DCBLD1: variants seen among roughly 807,000 people sequenced by gnomAD.
The protein encoded by DCBLD1 is discoidin, CUB and LCCL domain containing 1.
DCBLD1 carries 57 observed loss-of-function variants against 71.5 expected under a neutral mutation model. The ratio of observed to expected loss-of-function variants is 0.80; its 90% CI spans 0.64 to 0.99. The LOEUF (loss-of-function observed/expected upper bound fraction) is 0.99, where lower values mean the gene tolerates loss of function less well. DCBLD1 is among the 50% of genes least tolerant of loss of function. DCBLD1 has a pLI of 0.00. For synonymous variants in DCBLD1, 380 were observed against 363.8 expected (o/e 1.04, Z -0.51); for missense variants, 891 against 923.5 (o/e 0.96, Z 0.46).
At chr6:117,533,926 A>G (rs565937535) in intron 6 of DCBLD1, among the ~76,000 whole-genome samples, 2 of 152,352 alleles carry the variant, frequency 1.3e-5, no homozygotes, top group African/African-American at 4.8e-5. Context: ...ATGTTCCAAC[A>G]TAACTCTTTC....
At chr6:117,513,921 A>G (rs190416943) in intron 2 of DCBLD1, among the ~76,000 whole-genome samples, 1 of 152,236 alleles carries the variant, frequency 6.6e-6, no homozygotes, top group African/African-American at 2.4e-5. Context: ...GAGAGTACCA[A>G]CAGTGAAGTA....
chr6:117,522,375 G>A lies in DCBLD1; in HGVS notation c.512+799G>A, dbSNP rs562423339. Among the ~76,000 whole-genome samples the A allele has an allele frequency of 1.1e-4, 17 of 152,002 alleles. No homozygotes were observed. The South Asian group carries it at 3.1e-3, about 28-fold the overall frequency. ...CAAATGTCTCATGGTGGGCAGAATC[G>A]CCCCCAGTGGAGAGCCACTAGTCTA... On this transcript the variant is annotated intron_variant, in intron 4 of 14. Coordinates refer to ENST00000338728, the MANE Select transcript of DCBLD1 (RefSeq NM_001366458.2).
chr6:117,536,445 A>C (rs960988156), intron 6 of DCBLD1, among the ~76,000 whole-genome samples: 1 of 152,238 alleles, frequency 6.6e-6, no homozygotes, highest in Non-Finnish European at 1.5e-5. Context: ...CTGTGGCCTT[A>C]GGAATGTCTT....
downstream of DCBLD1, among the ~76,000 whole-genome samples, chr6:117,552,348 C>T (rs773912758): frequency 2.0e-5 from 3 of 152,140 alleles, no homozygotes; most frequent in Non-Finnish European, 4.4e-5. Flanking sequence ...AATATTAGCT[C>T]ATTTTCTCTC....
intron 14 of DCBLD1, among the ~76,000 whole-genome samples, chr6:117,557,694 A>G (rs1170074528): frequency 6.6e-6 from 1 of 152,126 alleles, no homozygotes; most frequent in Non-Finnish European, 1.5e-5. Context: ...AACCCAGGAG[A>G]TGGAAGTTGC....
At chr6:117,528,633 A>G (rs1554266178) in intron 5 of DCBLD1, among the ~76,000 whole-genome samples, 5 of 152,198 alleles carry the variant, frequency 3.3e-5, no homozygotes, top group Non-Finnish European at 7.3e-5. Flanking sequence ...AGAAATGTTT[A>G]TTGTAGATAA....
intron 12 of DCBLD1, among the ~76,000 whole-genome samples, chr6:117,544,011 A>G (rs1779183534): frequency 6.6e-6 from 1 of 152,252 alleles, no homozygotes; most frequent in African/African-American, 2.4e-5. Context: ...ATTTTAAGCA[A>G]CTTCAGAATC....
At chr6:117,563,291 T>C in intron 14 of DCBLD1, 2 of 1,613,256 alleles carry the variant, frequency 1.2e-6, no homozygotes, top group Non-Finnish European at 1.7e-6. Context: ...GTGCAGATCA[T>C]CTAATTTTGA....
chr6:117,520,079 C>T, intron 3 of DCBLD1, 129 bp downstream of exon 3: 2 of 1,415,130 alleles, frequency 1.4e-6, no homozygotes, highest in East Asian at 4.8e-5. Flanking sequence ...AGAAGAGGAA[C>T]ATGGTATCTT....
intron 5 of DCBLD1, among the ~76,000 whole-genome samples, chr6:117,530,031 G>A (rs1778663451): frequency 6.6e-6 from 1 of 152,196 alleles, no homozygotes; most frequent in Non-Finnish European, 1.5e-5. Context: ...TCCAGTGAGA[G>A]CTCTCAATAG....
intron 2 of DCBLD1, among the ~76,000 whole-genome samples, chr6:117,509,192 G>A (rs964109102): frequency 2.0e-5 from 3 of 152,278 alleles, no homozygotes; most frequent in Middle Eastern, 3.4e-3. Context: ...AGCAGTTTGC[G>A]AGGCTGAGGT....
intron 14 of DCBLD1, chr6:117,560,888 T>C (rs1177975529): frequency 4.7e-6 from 1 of 213,934 alleles, no homozygotes; most frequent in African/African-American, 2.3e-5. Context: ...TTGTTTGGTT[T>C]TGTCCTAGAA....
Position 117,514,110 on chromosome 6 carries a change from C to A in DCBLD1, c.326-5706C>A, listed in dbSNP as rs144514568. 1.1e-4 allele frequency among the ~76,000 whole-genome samples: 17 copies of A among 152,188 alleles called. No individual in the cohort carries two copies. The East Asian group carries it at 2.7e-3, about 24-fold the overall frequency. On this transcript the variant is annotated intron_variant, in intron 2 of 14. Transcript: ENST00000338728. ...CTATCATATTTTTCCATTTTTCTTT[C>A]TTGCCTTTTAACTCTAGGAATGTAA...
chr6:117,496,152 T>C (rs1008959449), intron 1 of DCBLD1, among the ~76,000 whole-genome samples: 2 of 152,236 alleles, frequency 1.3e-5, no homozygotes, highest in Non-Finnish European at 2.9e-5. Context: ...CATTAGCATC[T>C]ATTTTATATG....
intron 14 of DCBLD1, chr6:117,560,436 C>T (rs1562133547): frequency 5.3e-6 from 1 of 190,122 alleles, no homozygotes; most frequent in Non-Finnish European, 1.1e-5. Context: ...AAGTGTAAGA[C>T]TGGATAGATG....
At position 117,543,261 on chromosome 6, in the gene DCBLD1, A is replaced by G. The variant is rs1368497540; in HGVS notation, c.1445+50A>G. The G allele has an allele frequency of 3.9e-6, 6 of 1,530,400 alleles. No homozygotes were observed. In the Admixed American group the frequency reaches 5.0e-5, roughly 13 times the overall value. 94.8% of individuals were successfully genotyped at this position (1,530,400 alleles called of 1,614,324 possible). ...TTTCTTCTCTAATTATGCGAACAATAAAAAACCAAAAAGTTTATTCTTCAG... is the reference window on the plus strand; with the variant it reads ...TTTCTTCTCTAATTATGCGAACAATGAAAAACCAAAAAGTTTATTCTTCAG... On this transcript the variant is annotated intron_variant, in intron 12 of 14. Transcript: ENST00000338728.
At position 117,532,131 on chromosome 6, in the gene DCBLD1, C is replaced by T. The variant is rs1183900514; in HGVS notation, c.586-129C>T. 5 of 1,326,852 alleles carry T rather than the reference C, an allele frequency of 3.8e-6. No homozygotes were observed. In the African/African-American group the frequency reaches 5.9e-5, roughly 16 times the overall value. The allele number at this position is 1,326,852 out of a possible 1,614,324, so 82.2% of individuals were successfully genotyped here. A position where few individuals can be genotyped will look rare whatever the true frequency, so the allele number is the denominator to read the frequency against. The stretch of plus-strand genomic sequence containing the variant: ...AGTGAGGGAGGTGACAACTCCAGGG[C>T]ATGGCCATTGGAAGGCTTTATTCAT... On this transcript the variant is annotated intron_variant, in intron 5 of 14. Transcript: ENST00000338728.
intron 6 of DCBLD1, among the ~76,000 whole-genome samples, chr6:117,535,588 G>T (rs1193197855): frequency 1.3e-5 from 2 of 152,200 alleles, no homozygotes; most frequent in African/African-American, 4.8e-5. Context: ...GCAGAGAGCT[G>T]TTAGAAGTAG....
chr6:117,538,551 G>A lies in DCBLD1; in HGVS notation c.761-69G>A, dbSNP rs1214543462. 2.1e-6 allele frequency: 3 copies of A among 1,417,246 alleles called. No individual in the cohort carries two copies. In the Admixed American group the frequency reaches 5.4e-5, roughly 25 times the overall value. The allele number at this position is 1,417,246 out of a possible 1,614,324, so 87.8% of individuals were successfully genotyped here. A position where few individuals can be genotyped will look rare whatever the true frequency, so the allele number is the denominator to read the frequency against. On this transcript the variant is annotated intron_variant, in intron 7 of 14. Transcript: ENST00000338728. ...AGTTGAATATTTCTAGGTGAGATGT[G>A]GTACTACTTTTTTTTTTGCTGTTAT...
Sources: allele counts gnomAD v4.1 joint callset (sites outside exome capture counted in the v4.1 genomes callset), GRCh38; gene constraint gnomAD v4.1.1; transcripts MANE v1.5; gene names NCBI Gene and HGNC (gene_info 2026-07-23, HGNC 2026-07-21).